SEMA3A: variants seen among roughly 807,000 people sequenced by gnomAD.
SEMA3A encodes semaphorin 3A, also known as semaphorin-3A.
Under a neutral mutation model 97.9 loss-of-function variants are expected in SEMA3A, and 29 were observed. The observed-to-expected ratio is 0.30, with a 90% confidence interval of 0.22 to 0.40. The LOEUF is 0.40. SEMA3A is among the 10% of genes least tolerant of loss of function. SEMA3A has a pLI of 1.00. For synonymous variants in SEMA3A, 321 were observed against 323.7 expected (o/e 0.99, Z 0.09); for missense variants, 763 against 951.3 (o/e 0.80, Z 2.60).
chr7:84,171,652 T>A (rs187232475), intron 1 of SEMA3A, among the ~76,000 whole-genome samples: 1 of 152,260 alleles, frequency 6.6e-6, no homozygotes, highest in East Asian at 1.9e-4. Context: ...TCTTAAACAG[T>A]TTAGCTGTAG....
In SEMA3A at chr7:84,192,927, A is replaced by C. The variant is rs149765269; in HGVS notation, c.112+1548T>G. On this transcript the variant is annotated intron_variant, in intron 1 of 16. Coordinates refer to ENST00000265362, the MANE Select transcript of SEMA3A (RefSeq NM_006080.3). ...TAAAGTGGACCATCAACTTAGACTT[A>C]TTTGATGTCACCTTGTCAAGGAGTG... 3.9e-4 allele frequency among the ~76,000 whole-genome samples: 59 copies of C among 152,082 alleles called. 1 individual carries two copies. In the East Asian group the frequency reaches 0.011, roughly 27 times the overall value.
chr7:84,054,491 C>T (rs376615768), intron 5 of SEMA3A, among the ~76,000 whole-genome samples: 43 of 152,078 alleles, frequency 2.8e-4, no homozygotes, highest in Non-Finnish European at 5.6e-4. Flanking sequence ...TCCAGTTGAT[C>T]GCATCGGCTC....
intron 3 of SEMA3A, among the ~76,000 whole-genome samples, chr7:84,300,365 G>A (rs540200572): frequency 3.3e-5 from 5 of 152,100 alleles, no homozygotes; most frequent in African/African-American, 1.2e-4. Flanking sequence ...TACTTAATCT[G>A]TAGTATAATG....
intron 1 of SEMA3A, among the ~76,000 whole-genome samples, chr7:84,404,098 G>C (rs1340253833): frequency 6.6e-6 from 1 of 152,100 alleles, no homozygotes; most frequent in Non-Finnish European, 1.5e-5. Flanking sequence ...ACTACTCCAA[G>C]CTAAAGGAGG....
intron 2 of SEMA3A, among the ~76,000 whole-genome samples, chr7:84,365,083 A>C (rs7808081): frequency 0.29 from 43,437 of 151,300 alleles, 6,713 homozygotes; most frequent in African/African-American, 0.38. Flanking sequence ...AAATAATAAT[A>C]ATTAGGAATA....
intron 6 of SEMA3A, among the ~76,000 whole-genome samples, chr7:84,020,857 GC>G (rs1398296664): frequency 3.3e-5 from 5 of 151,806 alleles, no homozygotes; most frequent in East Asian, 1.9e-4. Context: ...TTTCCTCTAA[GC>G]CCCCCATACA....
chr7:84,120,989 C>T (rs1021956259), intron 3 of SEMA3A, among the ~76,000 whole-genome samples: 1 of 152,110 alleles, frequency 6.6e-6, no homozygotes, highest in Non-Finnish European at 1.5e-5. Flanking sequence ...AGGAGAGGAA[C>T]TCTGGATGAA....
chr7:84,239,647 T>TA (rs572499900), intron 3 of SEMA3A, among the ~76,000 whole-genome samples: 1 of 152,090 alleles, frequency 6.6e-6, no homozygotes, highest in Non-Finnish European at 1.5e-5. Flanking sequence ...AATTGGATCG[T>TA]AAAAAAACAA....
Position 83,959,353 on chromosome 7 carries a change from TA to T in SEMA3A, c.*2017del, listed in dbSNP as rs1485719532. Reference sequence around the variant, plus strand: ...ACTTTATGAAAATAAAAGAATGACCTATTTTTTGGAGCACTCTTTGTTCTTC... The same window carrying T: ...ACTTTATGAAAATAAAAGAATGACCTTTTTTTGGAGCACTCTTTGTTCTTC... On this transcript the variant is annotated 3_prime_UTR_variant, in exon 17 of 17. Transcript: ENST00000265362. 5 of 152,108 alleles carry T rather than the reference TA, an allele frequency of 3.3e-5. No individual in the cohort carries two copies. Among genetic ancestry groups the T allele is most frequent in the African/African-American group, 1.2e-4 (5 of 41,454 alleles). 9.4% of individuals were successfully genotyped at this position (152,108 alleles called of 1,614,324 possible). A position where few individuals can be genotyped will look rare whatever the true frequency, so the allele number is the denominator to read the frequency against.
chr7:84,247,227 T>G (rs937825580), intron 3 of SEMA3A, among the ~76,000 whole-genome samples: 1 of 152,174 alleles, frequency 6.6e-6, no homozygotes, highest in Non-Finnish European at 1.5e-5. Flanking sequence ...TTCTTATTTT[T>G]AATCTCCAGT....
At chr7:84,042,368 G>C (rs568311434) in intron 6 of SEMA3A, among the ~76,000 whole-genome samples, 1 of 151,984 alleles carries the variant, frequency 6.6e-6, no homozygotes, top group Non-Finnish European at 1.5e-5. Context: ...GTGGGAAGGC[G>C]TCACACTCCA....
intron 1 of SEMA3A, among the ~76,000 whole-genome samples, chr7:84,135,609 GT>G (rs1345302766): frequency 6.6e-6 from 1 of 152,144 alleles, no homozygotes; most frequent in Non-Finnish European, 1.5e-5. Context: ...TTTAAAAGTG[GT>G]TTCATTTGTT....
chr7:84,378,538 T>C (rs1411780531), intron 1 of SEMA3A, among the ~76,000 whole-genome samples: 3 of 151,956 alleles, frequency 2.0e-5, no homozygotes, highest in African/African-American at 7.2e-5. Flanking sequence ...GGAGGGAACA[T>C]CACACACTGG....
intron 1 of SEMA3A, among the ~76,000 whole-genome samples, chr7:84,135,615 T>C (rs967724288): frequency 1.3e-5 from 2 of 152,220 alleles, no homozygotes; most frequent in African/African-American, 4.8e-5. Flanking sequence ...AGTGGTTTCA[T>C]TTGTTCCAAG....
intron 15 of SEMA3A, among the ~76,000 whole-genome samples, chr7:83,972,884 A>G (rs933793084): frequency 1.3e-5 from 2 of 152,140 alleles, no homozygotes; most frequent in Admixed American, 1.3e-4. Flanking sequence ...TTTCCTCAGC[A>G]GAAGACAAGT....
intron 4 of SEMA3A, among the ~76,000 whole-genome samples, chr7:84,092,062 T>G (rs529220774): frequency 3.3e-5 from 5 of 152,276 alleles, no homozygotes; most frequent in Admixed American, 2.6e-4. Context: ...ATTAATGAAT[T>G]AATGTTATAC....
At chr7:84,340,445 C>T (rs1450541446) in intron 2 of SEMA3A, among the ~76,000 whole-genome samples, 2 of 151,944 alleles carry the variant, frequency 1.3e-5, no homozygotes, top group Non-Finnish European at 2.9e-5. Context: ...GTTAACTATG[C>T]TATTAATAAA....
chr7:84,248,645 C>G (rs1255965086), intron 3 of SEMA3A, among the ~76,000 whole-genome samples: 2 of 152,154 alleles, frequency 1.3e-5, no homozygotes, highest in Middle Eastern at 3.4e-3. Flanking sequence ...TTTCAATAAA[C>G]AGCACGTCAG....
chr7:84,256,049 AG>A (rs1195634801), intron 3 of SEMA3A, among the ~76,000 whole-genome samples: 2 of 152,020 alleles, frequency 1.3e-5, no homozygotes, highest in Non-Finnish European at 2.9e-5. Flanking sequence ...GATGATGTAA[AG>A]GTGTCAATAG....
Sources: allele counts gnomAD v4.1 joint callset (sites outside exome capture counted in the v4.1 genomes callset), GRCh38; gene constraint gnomAD v4.1.1; transcripts MANE v1.5; gene names NCBI Gene and HGNC (gene_info 2026-07-23, HGNC 2026-07-21).